ISM1: variants seen among roughly 807,000 people sequenced by gnomAD.
ISM1 encodes the protein isthmin 1, also known as isthmin-1.
In ISM1, 25 loss-of-function variants were observed where a neutral mutation model predicts 46.3. The observed-to-expected ratio is 0.54, with a 90% CI of 0.39 to 0.75. ISM1 has a LOEUF of 0.75. ISM1 is among the 30% of genes least tolerant of loss of function. The probability of loss-of-function intolerance (pLI) is 0.00; values close to 1 mark genes in which losing one functional copy is unlikely to be tolerated. For missense variants in ISM1, 536 were observed against 625.4 expected (o/e 0.86, Z 1.52); for synonymous variants, 255 against 256.7 (o/e 0.99, Z 0.06).
At chr20:13,315,470 GT>G in the ISM1 span, among the ~76,000 whole-genome samples, 1 of 151,904 alleles carries the variant, frequency 6.6e-6, no homozygotes, top group Non-Finnish European at 1.5e-5. Flanking sequence ...AAAGGATCAA[GT>G]CTCCAAGAAG....
At chr20:13,235,012 C>A (rs2039632071) in intron 1 of ISM1, among the ~76,000 whole-genome samples, 1 of 152,136 alleles carries the variant, frequency 6.6e-6, no homozygotes, top group Non-Finnish European at 1.5e-5. Flanking sequence ...AGTTGCAGGT[C>A]CCAGAAAGCA....
chr20:13,255,928 T>G (rs1464021313), intron 1 of ISM1, among the ~76,000 whole-genome samples: 2 of 148,730 alleles, frequency 1.3e-5, no homozygotes, highest in African/African-American at 5.2e-5. Flanking sequence ...TCCTGGGGTT[T>G]TTTTTTTTGG....
chr20:13,292,018 C>G (rs1203539992), intron 4 of ISM1, among the ~76,000 whole-genome samples: 1 of 152,128 alleles, frequency 6.6e-6, no homozygotes, highest in Non-Finnish European at 1.5e-5. Context: ...TCATTAAGAA[C>G]AAGATATTAA....
chr20:13,317,650 C>CA, the ISM1 span, among the ~76,000 whole-genome samples: 1 of 152,072 alleles, frequency 6.6e-6, no homozygotes, highest in African/African-American at 2.4e-5. Context: ...CCAATAGAGT[C>CA]AGTTGACCTT....
chr20:13,265,387 TC>T (rs1336756190), intron 1 of ISM1, among the ~76,000 whole-genome samples: 1 of 152,344 alleles, frequency 6.6e-6, no homozygotes, highest in East Asian at 1.9e-4. Context: ...TTTCTGGATT[TC>T]TCTCCTTCAT....
At chr20:13,242,714 G>A (rs1242574331) in intron 1 of ISM1, among the ~76,000 whole-genome samples, 1 of 152,094 alleles carries the variant, frequency 6.6e-6, no homozygotes, top group Non-Finnish European at 1.5e-5. Flanking sequence ...TGCTTATTAA[G>A]GTTGGTATAA....
intron 4 of ISM1, among the ~76,000 whole-genome samples, chr20:13,289,649 G>A (rs1057170373): frequency 6.6e-6 from 1 of 151,764 alleles, no homozygotes; most frequent in Non-Finnish European, 1.5e-5. Context: ...GGAAGGGCAT[G>A]GAGGAAGAGA....
At position 13,279,866 on chromosome 20, in the gene ISM1, G is replaced by C. The variant is rs759490671; in HGVS notation, c.611G>C (p.Arg204Pro). ...TGGGACCATACAGCCCCAGGCCACC[G>C]GACTTTTGAAACCAAAGATCAGCCA... is the stretch of plus-strand genomic sequence containing the variant. ...RGWDHTAPGHRTFETKDQPEY... is the reference protein window; with the variant it reads ...RGWDHTAPGHPTFETKDQPEY... Residue 204 changes from arginine (R) to proline (P), a missense_variant, in exon 3 of 6, where the codon CGG (arginine) becomes CCG (proline). Physicochemically the swap from Arg to Pro is moderately radical, Grantham distance 103. Transcript: ENST00000262487. The C allele has an allele frequency of 1.1e-5, 17 of 1,613,888 alleles. No individual in the cohort carries two copies. The Middle Eastern group carries it at 4.9e-4, about 47-fold the overall frequency.
chr20:13,227,909 T>C (rs115604648), intron 1 of ISM1, among the ~76,000 whole-genome samples: 1,771 of 152,178 alleles, frequency 0.012, 35 homozygotes, highest in African/African-American at 0.04. Context: ...CCAATAATTA[T>C]TTAGACTTAA....
At chr20:13,297,321 G>C (rs146759306) in intron 5 of ISM1, among the ~76,000 whole-genome samples, 1 of 152,118 alleles carries the variant, frequency 6.6e-6, no homozygotes, top group African/African-American at 2.4e-5. Context: ...TTCTCTATGC[G>C]GTTTCCCAGA....
Position 13,245,768 on chromosome 20 carries a change from C to T in ISM1, c.138+23854C>T, listed in dbSNP as rs527433702. Among the ~76,000 whole-genome samples, 7 of 152,334 alleles carry T rather than the reference C, an allele frequency of 4.6e-5. No homozygotes were observed. In the South Asian group the frequency reaches 1.2e-3, roughly 27 times the overall value. ...TCATCTTCTAAACTGTTGCTCTCCT[C>T]TGCTCACAAACTTCCAATCATTCCC... On this transcript the variant is annotated intron_variant, in intron 1 of 5. Coordinates refer to ENST00000262487, the MANE Select transcript of ISM1 (RefSeq NM_080826.2).
At chr20:13,249,784 T>A (rs2039845197) in intron 1 of ISM1, among the ~76,000 whole-genome samples, 1 of 5,542 alleles carries the variant, frequency 1.8e-4, no homozygotes, top group Non-Finnish European at 2.8e-4. Context: ...TGTTGCGTTT[T>A]GTTTTGTTTT....
At chr20:13,301,298 C>T (rs1333723580), downstream of ISM1, among the ~76,000 whole-genome samples, 3 of 152,110 alleles carry the variant, frequency 2.0e-5, no homozygotes, top group Non-Finnish European at 2.9e-5. Flanking sequence ...AAGCGATTCT[C>T]GTGCCTCAGC....
At chr20:13,235,311 C>G (rs2039635475) in intron 1 of ISM1, among the ~76,000 whole-genome samples, 1 of 152,182 alleles carries the variant, frequency 6.6e-6, no homozygotes, top group African/African-American at 2.4e-5. Context: ...TTTCATCAGC[C>G]AAAGCAAGTC....
Position 13,299,311 on chromosome 20 carries a change from A to G in ISM1, c.1247A>G (p.Tyr416Cys). Residue 416 changes from tyrosine (Y) to cysteine (C), a missense_variant, in exon 6 of 6, where the codon TAC becomes TGC. By Grantham distance (194) the Tyr-to-Cys change is radical. Coordinates refer to ENST00000262487, the MANE Select transcript of ISM1 (RefSeq NM_080826.2). This position sits in a 1 kb window ranked among gnomAD's most constrained non-coding sequence, Gnocchi z 5.8. ...ISTEFSAELH[Y>C]KVDVLPWIIC... ...ACCGAGTTCTCCGCGGAGCTCCACT[A>G]CAAGGTGGACGTCCTGCCCTGGATT... 1.2e-6 allele frequency: 2 copies of G among 1,613,810 alleles called. No individual in the cohort carries two copies. The highest frequency in any genetic ancestry group is 1.7e-6 in the Non-Finnish European group (2 of 1,179,790).
chr20:13,279,770 A>G lies in ISM1; in HGVS notation c.515A>G (p.Asn172Ser). The G allele has an allele frequency of 1.9e-6, 3 of 1,614,030 alleles. No homozygotes were observed. Among genetic ancestry groups the G allele is most frequent in the Non-Finnish European group, 2.5e-6 (3 of 1,179,888 alleles). ...AGGTCCCTGTCCTTGGCCAGGGCAA[A>G]CAGCGGGGACCAGGACTACAAGTAC... ...WQRSLSLARANSGDQDYKYDS... is the reference protein window; with the variant it reads ...WQRSLSLARASSGDQDYKYDS... Residue 172 changes from asparagine to serine, a missense_variant, in exon 3 of 6, where the codon AAC (asparagine) becomes AGC (serine). Around this residue, in one of 2 missense-constraint regions of ISM1, gnomAD observed 367 missense variants for 376.1 expected, o/e 0.98. Coordinates refer to ENST00000262487, the MANE Select transcript of ISM1 (RefSeq NM_080826.2).
chr20:13,280,527 G>A (rs1471378687), intron 3 of ISM1, among the ~76,000 whole-genome samples: 1 of 152,140 alleles, frequency 6.6e-6, no homozygotes, highest in Non-Finnish European at 1.5e-5. Context: ...CACTTGAGTT[G>A]GGTAGGAGAA....
chr20:13,319,491 G>C, the ISM1 span, among the ~76,000 whole-genome samples: 1 of 152,180 alleles, frequency 6.6e-6, no homozygotes, highest in Admixed American at 6.5e-5. Flanking sequence ...ACAGTCACTC[G>C]GAGAGTGAGA....
At chr20:13,311,775 G>C in the ISM1 span, among the ~76,000 whole-genome samples, 1 of 152,168 alleles carries the variant, frequency 6.6e-6, no homozygotes, top group African/African-American at 2.4e-5. Flanking sequence ...TAGTAACCAG[G>C]GGCTTGGGAG....
Sources: allele counts gnomAD v4.1 joint callset (sites outside exome capture counted in the v4.1 genomes callset), GRCh38; gene constraint gnomAD v4.1.1; regional missense constraint gnomAD v4.1.1; non-coding constraint Gnocchi (gnomAD v3.1); transcripts MANE v1.5; gene names NCBI Gene and HGNC (gene_info 2026-07-23, HGNC 2026-07-21).